Variants in CELF5 observed in about 807,000 individuals in gnomAD.
CELF5 encodes CUGBP Elav-like family member 5.
CELF5 carries 6 observed loss-of-function variants against 54.9 expected under a neutral mutation model. That is an observed-to-expected ratio of 0.11 (90% CI 0.06 to 0.22). The LOEUF (loss-of-function observed/expected upper bound fraction) is 0.22, where lower values mean the gene tolerates loss of function less well. Ranked by LOEUF, CELF5 falls within the 10% of genes least tolerant of loss-of-function variation. The pLI is 1.00. For synonymous variants in CELF5, 271 were observed against 290.9 expected (o/e 0.93, Z 0.70); for missense variants, 401 against 678.6 (o/e 0.59, Z 4.54).
At chr19:3,239,874 A>G (rs895836265) in intron 1 of CELF5, among the ~76,000 whole-genome samples, 1 of 151,282 alleles carries the variant, frequency 6.6e-6, no homozygotes, top group African/African-American at 2.4e-5. Context: ...TCCCGCACAC[A>G]CCTCTGACTA....
In CELF5 at chr19:3,273,879, G is replaced by A. The variant is rs145444077; in HGVS notation, c.350G>A (p.Arg117Gln). 7 of 1,613,326 alleles carry A rather than the reference G, an allele frequency of 4.3e-6. No homozygotes were observed. Among genetic ancestry groups the A allele is most frequent in the African/African-American group, 4.0e-5 (3 of 74,902 alleles). The change falls in exon 3 of 13, where the codon CGG (arginine) becomes CAG (glutamine). Residue 117 changes from arginine (R) to glutamine (Q), a missense_variant. Transcript: ENST00000292672. Reference sequence around the variant, plus strand: ...TTCCCCCTCTCTCTGCAGATGGCGCGGCCAATCCAGGTGAAGCCTGCGGAC... The same window carrying A: ...TTCCCCCTCTCTCTGCAGATGGCGCAGCCAATCCAGGTGAAGCCTGCGGAC... Reference protein sequence around the residue: ...HEQKTLPGMARPIQVKPADSE... With the variant: ...HEQKTLPGMAQPIQVKPADSE...
intron 2 of CELF5, among the ~76,000 whole-genome samples, chr19:3,261,695 C>G (rs950098711): frequency 6.6e-6 from 1 of 152,014 alleles, no homozygotes; most frequent in African/African-American, 2.4e-5. Context: ...GTGGCATGTA[C>G]CTGTAGTCCC....
At chr19:3,284,998 T>TGGCCCCGACCCCGCCCAG in intron 9 of CELF5, 34 bp downstream of exon 9, 1 of 1,504,256 alleles carries the variant, frequency 6.6e-7, no homozygotes, top group Non-Finnish European at 9.1e-7. Flanking sequence ...CGCTGGGCCC[T>TGGCCCCGACCCCGCCCAG]GGCCCCGCCC....
At position 3,281,067 on chromosome 19, in the gene CELF5, C is replaced by G. The variant is rs374937058; in HGVS notation, c.604-132C>G. ...GGCCCTGGCTCCTGGGGTGGGGGCC[C>G]GTGGACATGGCTGACAGCCACTGGC... On this transcript the variant is annotated intron_variant, in intron 5 of 12. Coordinates refer to ENST00000292672, the MANE Select transcript of CELF5 (RefSeq NM_021938.4). The surrounding 1 kb of genome is among the most constrained non-coding windows in gnomAD (Gnocchi z 6.5). 4 of 1,096,222 alleles carry G rather than the reference C, an allele frequency of 3.6e-6. No individual in the cohort carries two copies. Among genetic ancestry groups the G allele is most frequent in the Non-Finnish European group, 5.3e-6 (4 of 754,886 alleles). The allele number at this position is 1,096,222 out of a possible 1,614,324, so 67.9% of individuals were successfully genotyped here. A position where few individuals can be genotyped will look rare whatever the true frequency, so the allele number is the denominator to read the frequency against.
chr19:3,295,583 C>T (rs939319346), intron 12 of CELF5: 1 of 126,744 alleles, frequency 7.9e-6, no homozygotes, highest in African/African-American at 3.0e-5. Flanking sequence ...CCACCAGGAA[C>T]CCGCCAACAC....
chr19:3,292,814 T>A (rs554246730), intron 11 of CELF5, among the ~76,000 whole-genome samples: 5 of 152,208 alleles, frequency 3.3e-5, no homozygotes, highest in African/African-American at 1.2e-4. Flanking sequence ...GAGCATCTCT[T>A]GAGCCAAGGA....
intron 1 of CELF5, among the ~76,000 whole-genome samples, chr19:3,245,337 CGT>C (rs1346392369): frequency 1.8e-5 from 2 of 112,760 alleles, no homozygotes; most frequent in Non-Finnish European, 3.6e-5. Flanking sequence ...TGTGTGTGTG[CGT>C]GTGTTTGTGT....
chr19:3,280,474 C>T lies in CELF5; in HGVS notation c.604-725C>T, dbSNP rs2080130901. Among the ~76,000 whole-genome samples the T allele has an allele frequency of 2.0e-5, 3 of 152,084 alleles. No individual in the cohort carries two copies. In the South Asian group the frequency reaches 6.2e-4, roughly 32 times the overall value. On this transcript the variant is annotated intron_variant, in intron 5 of 12. Transcript: ENST00000292672. ...CCTGTAATCCCAGCTACTCAAGAGG[C>T]TGAGGCAGGAGAATCACTTGAACCT... is the stretch of plus-strand genomic sequence containing the variant.
intron 4 of CELF5, among the ~76,000 whole-genome samples, chr19:3,277,444 C>T (rs1012004917): frequency 2.0e-5 from 3 of 152,190 alleles, no homozygotes; most frequent in African/African-American, 7.2e-5. Flanking sequence ...TGCACTCTAG[C>T]CTGGGTGACG....
At chr19:3,246,013 A>G (rs1388420757) in intron 1 of CELF5, among the ~76,000 whole-genome samples, 3 of 152,220 alleles carry the variant, frequency 2.0e-5, no homozygotes, top group African/African-American at 7.2e-5. Flanking sequence ...ATGAAAGTTA[A>G]ACACACGCCT....
At chr19:3,258,145 A>G (rs1022906056) in intron 2 of CELF5, among the ~76,000 whole-genome samples, 1 of 151,846 alleles carries the variant, frequency 6.6e-6, no homozygotes, top group Non-Finnish European at 1.5e-5. Context: ...TTTAGTAGAG[A>G]TGGCGTTTCA....
chr19:3,225,922 C>T (rs1340866200), intron 1 of CELF5, among the ~76,000 whole-genome samples: 1 of 152,186 alleles, frequency 6.6e-6, no homozygotes, highest in Non-Finnish European at 1.5e-5. Context: ...AGGAGGGAGG[C>T]GTGGGCGGCC....
intron 2 of CELF5, among the ~76,000 whole-genome samples, chr19:3,255,096 C>G (rs541030904): frequency 6.6e-6 from 1 of 152,324 alleles, no homozygotes; most frequent in East Asian, 1.9e-4. Flanking sequence ...ATCATCAGTT[C>G]TGTGACTGGT....
At chr19:3,266,444 A>G (rs1052299241) in intron 2 of CELF5, among the ~76,000 whole-genome samples, 7 of 151,570 alleles carry the variant, frequency 4.6e-5, no homozygotes, top group Admixed American at 3.3e-4. Context: ...AAAAAGAAGA[A>G]GAAGAGGAAA....
chr19:3,282,595 G>A lies in CELF5; in HGVS notation c.1039+97G>A. On this transcript the variant is annotated intron_variant, in intron 8 of 12. Coordinates refer to ENST00000292672, the MANE Select transcript of CELF5 (RefSeq NM_021938.4). The surrounding 1 kb of genome is among the most constrained non-coding windows in gnomAD (Gnocchi z 5.2). The stretch of plus-strand genomic sequence containing the variant: ...GAGTCCCTACATCACAGTGCCCAGG[G>A]AACAGAAGGGCAGGAAAAAGGGTGT... 9 of 1,376,240 alleles carry A rather than the reference G, an allele frequency of 6.5e-6. No individual in the cohort carries two copies. In the South Asian group the frequency reaches 1.2e-4, roughly 19 times the overall value. The allele number at this position is 1,376,240 out of a possible 1,614,324, so 85.3% of individuals were successfully genotyped here.
chr19:3,285,263 T>A (rs1026392089), intron 9 of CELF5, among the ~76,000 whole-genome samples: 3 of 151,832 alleles, frequency 2.0e-5, no homozygotes, highest in Non-Finnish European at 4.4e-5. Flanking sequence ...GGAATTCCCC[T>A]TGACCACGTC....
At chr19:3,287,818 G>A (rs771971614) in intron 10 of CELF5, among the ~76,000 whole-genome samples, 1 of 151,586 alleles carries the variant, frequency 6.6e-6, no homozygotes, top group Admixed American at 6.6e-5. Flanking sequence ...AAAGAAAGAT[G>A]GGAACGTAGT....
intron 1 of CELF5, among the ~76,000 whole-genome samples, chr19:3,227,099 C>T (rs1251024882): frequency 2.0e-5 from 3 of 152,084 alleles, no homozygotes; most frequent in Non-Finnish European, 4.4e-5. Flanking sequence ...GGCTTCACCT[C>T]GTGTCGAAAA....
At chr19:3,283,061 C>T (rs371419378) in intron 8 of CELF5, among the ~76,000 whole-genome samples, 8 of 152,140 alleles carry the variant, frequency 5.3e-5, no homozygotes, top group African/African-American at 1.9e-4. Flanking sequence ...GAACTCCTGA[C>T]CTCAGGTGAT....
Sources: allele counts gnomAD v4.1 joint callset (sites outside exome capture counted in the v4.1 genomes callset), GRCh38; gene constraint gnomAD v4.1.1; non-coding constraint Gnocchi (gnomAD v3.1); transcripts MANE v1.5; gene names NCBI Gene and HGNC (gene_info 2026-07-23, HGNC 2026-07-21).